CFTR: variants seen among roughly 807,000 people sequenced by gnomAD.
CFTR encodes CF transmembrane conductance regulator.
In CFTR, 181 loss-of-function variants were observed where a neutral mutation model predicts 171.6. That is an observed-to-expected ratio of 1.05 (90% confidence interval 0.93 to 1.19). CFTR has a LOEUF of 1.19. Among genes scored for constraint, CFTR ranks in the 50% most tolerant of loss-of-function variants. The pLI, the probability that CFTR is intolerant of heterozygous loss-of-function variation, is 0.00. For synonymous variants in CFTR, 583 were observed against 608.0 expected (o/e 0.96, Z 0.60); for missense variants, 1,968 against 1,734.7 (o/e 1.13, Z -2.39).
At chr7:117,581,937 G>A (rs989159681) in intron 11 of CFTR, among the ~76,000 whole-genome samples, 31 of 151,662 alleles carry the variant, frequency 2.0e-4, no homozygotes, top group Admixed American at 6.6e-4. Context: ...TGCATTTTTT[G>A]TGGGGACAGG....
intron 1 of CFTR, among the ~76,000 whole-genome samples, chr7:117,500,549 C>T (rs1200565457): frequency 6.6e-6 from 1 of 152,010 alleles, no homozygotes; most frequent in Non-Finnish European, 1.5e-5. Flanking sequence ...CTCGGCCTCC[C>T]AAAGTGCTGG....
intron 1 of CFTR, among the ~76,000 whole-genome samples, chr7:117,491,362 C>T (rs754636433): frequency 3.3e-5 from 5 of 151,980 alleles, no homozygotes; most frequent in East Asian, 1.9e-4. Flanking sequence ...ATCATCCTAA[C>T]GTGGAATTTC....
chr7:117,538,619 T>C (rs1798996357), intron 7 of CFTR, among the ~76,000 whole-genome samples: 2 of 152,218 alleles, frequency 1.3e-5, no homozygotes, highest in African/African-American at 4.8e-5. Flanking sequence ...AGGACACACA[T>C]TGTAAATTCA....
intron 18 of CFTR, among the ~76,000 whole-genome samples, chr7:117,607,749 C>G (rs1313159676): frequency 6.6e-6 from 1 of 152,264 alleles, no homozygotes; most frequent in African/African-American, 2.4e-5. Context: ...TGCAGAAAAA[C>G]CAGACTGTCA....
At chr7:117,542,533 C>T (rs117832997) in intron 9 of CFTR, among the ~76,000 whole-genome samples, 2,323 of 150,204 alleles carry the variant, frequency 0.015, 33 homozygotes, top group Middle Eastern at 0.093. Flanking sequence ...GGCAACAAGG[C>T]GAGACTCTGT....
rs753755821 is a variant in CFTR, at chr7:117,602,777, T to C, written c.2620-49T>C. 80 of 1,512,288 alleles carry C rather than the reference T, an allele frequency of 5.3e-5. 1 individual carries two copies. The South Asian group carries it at 8.3e-4, about 16-fold the overall frequency. 93.7% of individuals were successfully genotyped at this position (1,512,288 alleles called of 1,614,324 possible). On this transcript the variant is annotated intron_variant, in intron 15 of 26. Transcript: ENST00000003084. ...AATTTAGATGTGGGCATGGGAGGAA[T>C]AGGTGAAGATGTTAGAAAAAAAATC...
chr7:117,573,071 T>G (rs1333819307), intron 11 of CFTR, among the ~76,000 whole-genome samples: 3 of 152,054 alleles, frequency 2.0e-5, no homozygotes, highest in Non-Finnish European at 4.4e-5. Context: ...TCTCTCTCTC[T>G]CTTTCTGTCA....
chr7:117,536,781 C>T (rs1798966760), intron 7 of CFTR, 108 bp downstream of exon 7: 1 of 921,902 alleles, frequency 1.1e-6, no homozygotes, highest in African/African-American at 1.6e-5. Context: ...TTGTGACAAT[C>T]AAATGATTGC....
chr7:117,518,054 AGTT>A (rs149670707), intron 3 of CFTR, among the ~76,000 whole-genome samples: 13,835 of 151,894 alleles, frequency 0.091, 799 homozygotes, highest in Non-Finnish European at 0.13. Context: ...TGTTTTATAG[AGTT>A]GTTGTGAGAA....
intron 11 of CFTR, among the ~76,000 whole-genome samples, chr7:117,585,465 GA>G (rs1487489311): frequency 6.6e-6 from 1 of 151,762 alleles, no homozygotes; most frequent in Non-Finnish European, 1.5e-5. Context: ...GTTCAAATTT[GA>G]AAAAAACAAT....
At chr7:117,500,315 T>TTGC (rs1052418085) in intron 1 of CFTR, among the ~76,000 whole-genome samples, 4 of 149,298 alleles carry the variant, frequency 2.7e-5, no homozygotes, top group Non-Finnish European at 5.9e-5. Flanking sequence ...AGACGGAGTT[T>TTGC]TGCTCTTGTT....
rs572754794 is a variant in CFTR, at chr7:117,491,498, G to T, written c.53+11351G>T. 2.6e-5 allele frequency among the ~76,000 whole-genome samples: 4 copies of T among 152,166 alleles called. No homozygotes were observed. The East Asian group carries it at 7.7e-4, about 29-fold the overall frequency. On this transcript the variant is annotated intron_variant, in intron 1 of 26. Transcript: ENST00000003084. ...TGAAGACTAGAAGTACAAGATCAAG[G>T]TGTTGGCAGGTTTTTCTTCTAAGGG...
chr7:117,591,882 T>G, intron 13 of CFTR, 52 bp from the exon 14 acceptor site: 1 of 1,148,966 alleles, frequency 8.7e-7, no homozygotes, highest in Non-Finnish European at 1.2e-6. Context: ...ACGAGACATA[T>G]TGCAATAAAG....
chr7:117,645,285 G>A (rs992061195), intron 23 of CFTR, among the ~76,000 whole-genome samples: 1 of 152,256 alleles, frequency 6.6e-6, no homozygotes, highest in Middle Eastern at 3.4e-3. Context: ...AACTTCTGTG[G>A]TTACATAAAA....
chr7:117,641,496 G>A (rs1213952181), intron 22 of CFTR, among the ~76,000 whole-genome samples: 1 of 152,134 alleles, frequency 6.6e-6, no homozygotes, highest in Non-Finnish European at 1.5e-5. Flanking sequence ...AGTATATAAA[G>A]GCCAAATGAC....
chr7:117,667,108 G>A lies in CFTR; in HGVS notation c.4443G>A (p.Ter1481=). 6.2e-7 allele frequency: 1 copy of A among 1,613,612 alleles called. No homozygotes were observed. The highest frequency in any genetic ancestry group is 2.2e-5 in the East Asian group (1 of 44,832). Residue 1481 remains the stop codon, a stop_retained_variant, in exon 27 of 27, where the codon TAG becomes TAA. Coordinates refer to ENST00000003084, the MANE Select transcript of CFTR (RefSeq NM_000492.4). ...TEEEVQDTRL[*] ...AAGAGGTGCAAGATACAAGGCTTTA[G>A]AGAGCAGCATAAATGTTGACATGGG...
chr7:117,662,351 C>T (rs1050956281), intron 24 of CFTR, among the ~76,000 whole-genome samples: 5 of 152,176 alleles, frequency 3.3e-5, no homozygotes, highest in African/African-American at 1.2e-4. Flanking sequence ...CGTTTTTACC[C>T]TCAAGAAGCT....
At chr7:117,574,522 G>C (rs934510156) in intron 11 of CFTR, among the ~76,000 whole-genome samples, 1 of 152,064 alleles carries the variant, frequency 6.6e-6, no homozygotes, top group South Asian at 2.1e-4. Context: ...CTTCTCAGAT[G>C]TGGGAATCTT....
chr7:117,574,446 T>C (rs1791743337), intron 11 of CFTR, among the ~76,000 whole-genome samples: 1 of 152,108 alleles, frequency 6.6e-6, no homozygotes, highest in Non-Finnish European at 1.5e-5. Context: ...AATGTACACA[T>C]TTCTCTTTAT....
Sources: allele counts gnomAD v4.1 joint callset (sites outside exome capture counted in the v4.1 genomes callset), GRCh38; gene constraint gnomAD v4.1.1; transcripts MANE v1.5; gene names NCBI Gene and HGNC (gene_info 2026-07-23, HGNC 2026-07-21).